The following LRP4 variants were observed in gnomAD, a reference collection of about 807,000 sequenced individuals.
LRP4 encodes low-density lipoprotein receptor-related protein 4.
Under a neutral mutation model 220.3 loss-of-function variants are expected in LRP4, and 95 were observed. That is an observed-to-expected ratio of 0.43 (90% CI 0.37 to 0.51). The LOEUF is 0.51. LRP4 is among the 20% of genes least tolerant of loss of function. The pLI, the probability that LRP4 is intolerant of heterozygous loss-of-function variation, is 0.00. For missense variants in LRP4, 1,925 were observed against 2,567.0 expected, an observed-to-expected ratio of 0.75 and a Z score of 5.40; for synonymous variants, 903 against 954.6, an observed-to-expected ratio of 0.95 and a Z score of 1.00.
At chr11:46,902,670 AACTCTCTGAGTCCGAC>A in intron 2 of LRP4, 97 bp downstream of exon 2, 1 of 1,275,644 alleles carries the variant, frequency 7.8e-7, no homozygotes, top group Non-Finnish European at 1.1e-6. Flanking sequence ...GCAAAAGACC[AACTCTCTGAGTCCGAC>A]ACAGTTGATG....
rs890591727 is a variant in LRP4, at chr11:46,873,234, C to T, written c.4449G>A (p.Gly1483=). The T allele has an allele frequency of 2.5e-6, 4 of 1,614,068 alleles. No homozygotes were observed. In the African/African-American group the frequency reaches 5.3e-5, roughly 22 times the overall value. The change falls in exon 30 of 38, where the codon GGG becomes GGA. Residue 1483 remains glycine, a splice_region_variant and synonymous_variant. Transcript: ENST00000378623. The surrounding 1 kb of genome is among the most constrained non-coding windows in gnomAD (Gnocchi z 4.2). ...PRAIAVFPRK[G]YLFWTDWGHI... is the part of the protein sequence containing the mutation. Reference sequence around the variant, plus strand: ...GGCCCCAGTCTGTCCAGAAGAGGTACCTGAGACACAACAGTGCCATCATCA... The same window carrying T: ...GGCCCCAGTCTGTCCAGAAGAGGTATCTGAGACACAACAGTGCCATCATCA...
At chr11:46,913,297 C>T (rs150196249) in intron 1 of LRP4, among the ~76,000 whole-genome samples, 159 of 152,330 alleles carry the variant, frequency 1.0e-3, no homozygotes, top group Non-Finnish European at 1.9e-3. Flanking sequence ...TGGAGGCAGA[C>T]AACCGTCAGG....
chr11:46,882,952 A>G lies in LRP4; in HGVS notation c.2612+919T>C, dbSNP rs183909988. Among the ~76,000 whole-genome samples, 23 of 152,320 alleles carry G rather than the reference A, an allele frequency of 1.5e-4. No homozygotes were observed. In the East Asian group the frequency reaches 4.0e-3, roughly 27 times the overall value. ...AAGGGCAAGCAGAAAAAAAGTCACA[A>G]AAAGTATGCTATTTTTGTAAAACCA... On this transcript the variant is annotated intron_variant, in intron 19 of 37. Transcript: ENST00000378623.
intron 36 of LRP4, among the ~76,000 whole-genome samples, 162 bp downstream of exon 36, chr11:46,864,286 A>G (rs549731134): frequency 6.6e-6 from 1 of 151,402 alleles, no homozygotes; most frequent in African/African-American, 2.4e-5. Context: ...AAGAGTAAGT[A>G]TTTAGGTTTC....
At chr11:46,897,963 C>T (rs1323008794) in intron 7 of LRP4, among the ~76,000 whole-genome samples, 2 of 151,292 alleles carry the variant, frequency 1.3e-5, no homozygotes, top group East Asian at 2.0e-4. Context: ...GGCAGAGGCG[C>T]CCCTCACCTC....
At position 46,879,267 on chromosome 11, in the gene LRP4, C is replaced by T. The variant is rs772232191; in HGVS notation, c.2863G>A (p.Gly955Arg). ...CAGTCAGTCCAATAGATGCGCTCTC[C>T]ATAGAGGGTCAGCCCAAATGGGTGG... ...LPHPFGLTLY[G>R]ERIYWTDWQT... The change falls in exon 21 of 38, where the codon GGA becomes AGA. Residue 955 changes from glycine to arginine, a missense_variant. Physicochemically the swap from Gly to Arg is moderately radical, Grantham distance 125 (BLOSUM62 -2). Transcript: ENST00000378623. The T allele has an allele frequency of 5.0e-6, 8 of 1,614,208 alleles. No homozygotes were observed. In the Admixed American group the frequency reaches 1.3e-4, roughly 27 times the overall value.
chr11:46,862,643 T>C lies in LRP4; in HGVS notation c.5348A>G (p.Lys1783Arg). The change falls in exon 37 of 38, where the codon AAA becomes AGA. Residue 1783 changes from lysine to arginine, a missense_variant. Physicochemically the swap from Lys to Arg is conservative, Grantham distance 26 (BLOSUM62 2). Transcript: ENST00000378623. Reference sequence around the variant, plus strand: ...GCACAGCTGGTTGTACATGGCTGGTTTGGGGATTGCTTCAATCTTCACTTC... The same window carrying C: ...GCACAGCTGGTTGTACATGGCTGGTCTGGGGATTGCTTCAATCTTCACTTC... The part of the protein sequence containing the change: ...TQEVKIEAIP[K>R]PAMYNQLCYK... The C allele has an allele frequency of 1.9e-6, 3 of 1,614,130 alleles. No individual in the cohort carries two copies. The highest frequency in any genetic ancestry group is 2.5e-6 in the Non-Finnish European group (3 of 1,180,006).
At chr11:46,896,154 A>G in intron 9 of LRP4, 56 bp downstream of exon 9, 1 of 1,611,200 alleles carries the variant, frequency 6.2e-7, no homozygotes, top group Middle Eastern at 1.7e-4. Flanking sequence ...TTTGAACCCT[A>G]TGGGTGGGGT....
chr11:46,891,700 C>T (rs906240566), intron 13 of LRP4, among the ~76,000 whole-genome samples: 2 of 152,046 alleles, frequency 1.3e-5, no homozygotes, highest in African/African-American at 4.8e-5. Flanking sequence ...ACTGCAGCCT[C>T]GAACTCCAGG....
chr11:46,898,847 C>T, intron 6 of LRP4, 57 bp downstream of exon 6: 5 of 1,612,766 alleles, frequency 3.1e-6, no homozygotes, highest in Non-Finnish European at 4.2e-6. Context: ...TGCCTTGCCA[C>T]CCAAGCAGTT....
intron 36 of LRP4, 100 bp downstream of exon 36, chr11:46,864,348 G>T: frequency 1.1e-6 from 1 of 932,184 alleles, no homozygotes; most frequent in Non-Finnish European, 1.8e-6. Flanking sequence ...CAATAAGGCT[G>T]GTCAGAGCTT....
intron 1 of LRP4, among the ~76,000 whole-genome samples, chr11:46,916,275 G>GAA (rs200125265): frequency 6.7e-6 from 1 of 149,494 alleles, no homozygotes; most frequent in Non-Finnish European, 1.5e-5. Flanking sequence ...CCCATCTCTA[G>GAA]AAAAAAAAAC....
chr11:46,897,978 A>ATTGTCTTGTTTTTTGAGATGT (rs1941575992), intron 7 of LRP4, among the ~76,000 whole-genome samples: 1 of 150,568 alleles, frequency 6.6e-6, no homozygotes, highest in African/African-American at 2.4e-5. Context: ...CACCTCCCGG[A>ATTGTCTTGTTTTTTGAGATGT]CGGGGCGGCT....
chr11:46,900,533 G>A (rs1413317800), intron 2 of LRP4, among the ~76,000 whole-genome samples, 155 bp from the exon 3 acceptor site: 2 of 151,836 alleles, frequency 1.3e-5, no homozygotes, highest in Non-Finnish European at 2.9e-5. Context: ...GTACAGTGGC[G>A]CAATCTTGGC....
In LRP4 at chr11:46,863,584, C is replaced by CAAAA. The variant is rs55744712; in HGVS notation, c.5244-841_5244-838dup. On this transcript the variant is annotated intron_variant, in intron 36 of 37. Coordinates refer to ENST00000378623, the MANE Select transcript of LRP4 (RefSeq NM_002334.4). ...AGAAACCCTCTCTCTACTAAAAATA[C>CAAAA]AAAAAAAAAAAAAAAAAAAAAAAAA... 2.3e-3 allele frequency among the ~76,000 whole-genome samples: 125 copies of CAAAA among 54,130 alleles called. 1 individual carries two copies. The highest frequency in any genetic ancestry group is 0.011 in the Middle Eastern group (1 of 90). 35.5% of individuals were successfully genotyped at this position (54,130 alleles called of 152,430 possible).
intron 20 of LRP4, among the ~76,000 whole-genome samples, chr11:46,880,715 G>A (rs1346819243): frequency 6.6e-6 from 1 of 152,070 alleles, no homozygotes; most frequent in Non-Finnish European, 1.5e-5. Context: ...AAAAAGTGGG[G>A]TGGGAGGAGC....
chr11:46,888,014 CAAAAAAAA>C (rs59369000), intron 16 of LRP4, among the ~76,000 whole-genome samples: 46 of 45,898 alleles, frequency 1.0e-3, no homozygotes, highest in East Asian at 2.1e-3. Context: ...GACCCTGTCT[CAAAAAAAA>C]AAAAAAAAAA....
At chr11:46,868,408 C>T (rs1312326358) in intron 33 of LRP4, among the ~76,000 whole-genome samples, 192 bp downstream of exon 33, 1 of 152,214 alleles carries the variant, frequency 6.6e-6, no homozygotes, top group Admixed American at 6.5e-5. Flanking sequence ...CCTGCAAATG[C>T]CAGAGGGCAG....
Position 46,890,584 on chromosome 11 carries a change from A to G in LRP4, c.1698-90T>C, listed in dbSNP as rs905655492. On this transcript the variant is annotated intron_variant, in intron 13 of 37. Transcript: ENST00000378623. The surrounding 1 kb of genome is among the most constrained non-coding windows in gnomAD (Gnocchi z 5.3). ...TCAGGTAGGGCGCTTTTATCCATTT[A>G]ACTCAGGGGACTCCAATGTTTGGTC... 3.5e-6 allele frequency: 3 copies of G among 855,484 alleles called. No individual in the cohort carries two copies. In the Admixed American group the frequency reaches 6.0e-5, roughly 17 times the overall value. 53.0% of individuals were successfully genotyped at this position (855,484 alleles called of 1,614,324 possible).
Sources: gnomAD v4.1 joint callset for allele counts (sites outside exome capture counted in the v4.1 genomes callset) on GRCh38, gnomAD v4.1.1 for gene constraint, Gnocchi (gnomAD v3.1) non-coding constraint, MANE v1.5 for transcripts, NCBI Gene and HGNC (gene_info 2026-07-23, HGNC 2026-07-21) for gene names.